The following SORL1 variants were observed in gnomAD, a reference collection of about 807,000 sequenced individuals.
The protein encoded by SORL1 is sortilin-related receptor.
A neutral mutation model predicts 273.7 loss-of-function variants in SORL1; 127 were observed. The observed-to-expected ratio is 0.46, with a 90% CI of 0.40 to 0.54. The LOEUF is 0.54. SORL1 is among the 20% of genes least tolerant of loss of function. The pLI is 0.00. For synonymous variants in SORL1, 1,031 were observed against 1,067.4 expected, an observed-to-expected ratio of 0.97 and a Z score of 0.66; for missense variants, 2,494 against 2,846.1, an observed-to-expected ratio of 0.88 and a Z score of 2.81.
At chr11:121,473,703 C>T (rs1209210728) in intron 2 of SORL1, among the ~76,000 whole-genome samples, 2 of 151,962 alleles carry the variant, frequency 1.3e-5, no homozygotes, top group African/African-American at 2.4e-5. Flanking sequence ...AAGACCAGCC[C>T]GGCCAACATG....
chr11:121,480,286 T>A (rs1389311202), intron 3 of SORL1, among the ~76,000 whole-genome samples: 1 of 152,124 alleles, frequency 6.6e-6, no homozygotes, highest in Non-Finnish European at 1.5e-5. Context: ...ACATGATAAA[T>A]ACATATAATA....
At chr11:121,493,828 C>T (rs1861591421) in intron 5 of SORL1, among the ~76,000 whole-genome samples, 1 of 152,050 alleles carries the variant, frequency 6.6e-6, no homozygotes, top group Non-Finnish European at 1.5e-5. Context: ...GTATTGCTTC[C>T]TTAGTAATAG....
At chr11:121,606,166 A>G (rs574927141) in intron 35 of SORL1, among the ~76,000 whole-genome samples, 1 of 152,126 alleles carries the variant, frequency 6.6e-6, no homozygotes, top group Non-Finnish European at 1.5e-5. Flanking sequence ...CAAGCAATCC[A>G]CCTACTTCAG....
At chr11:121,544,313 C>T (rs1251366211) in intron 13 of SORL1, among the ~76,000 whole-genome samples, 2 of 152,132 alleles carry the variant, frequency 1.3e-5, no homozygotes, top group African/African-American at 2.4e-5. Flanking sequence ...CTCCCCTACT[C>T]GAAATCCTTT....
chr11:121,589,491 C>G (rs1185309313), intron 29 of SORL1, 101 bp downstream of exon 29: 1 of 1,418,108 alleles, frequency 7.1e-7, no homozygotes, highest in South Asian at 1.2e-5. Flanking sequence ...CAGACTTGGC[C>G]TTCCCGTAAC....
chr11:121,548,990 A>G (rs1013236011), intron 14 of SORL1, among the ~76,000 whole-genome samples: 2 of 152,334 alleles, frequency 1.3e-5, no homozygotes, highest in South Asian at 4.1e-4. Context: ...TATAGAATTT[A>G]CAGGTTTGGA....
Position 121,625,200 on chromosome 11 carries a change from C to T in SORL1, c.6287C>T (p.Thr2096Ile), listed in dbSNP as rs142705925. 7.4e-6 allele frequency: 12 copies of T among 1,613,996 alleles called. No homozygotes were observed. The African/African-American group carries it at 1.2e-4, about 16-fold the overall frequency. ...AAGATGGGTCATAATTACACGTTCACCGTCCAAGCAAGATGCCTTTTTGGC... is the reference window on the plus strand; with the variant it reads ...AAGATGGGTCATAATTACACGTTCATCGTCCAAGCAAGATGCCTTTTTGGC... ...NLKMGHNYTF[T>I]VQARCLFGNQ... The change falls in exon 46 of 48, where the codon ACC becomes ATC. Residue 2096 changes from threonine to isoleucine, a missense_variant. Physicochemically the swap from Thr to Ile is moderately conservative, Grantham distance 89. Coordinates refer to ENST00000260197, the MANE Select transcript of SORL1 (RefSeq NM_003105.6).
intron 41 of SORL1, 128 bp downstream of exon 41, chr11:121,615,183 G>T: frequency 1.4e-6 from 1 of 703,554 alleles, no homozygotes; most frequent in South Asian, 2.4e-5. Context: ...TTGGATATAG[G>T]CCTTTCTTTT....
chr11:121,576,993 T>C (rs749283440), intron 24 of SORL1: 7 of 1,451,114 alleles, frequency 4.8e-6, no homozygotes, highest in Non-Finnish European at 6.5e-6. Flanking sequence ...AAATAATATA[T>C]GTGGAGAGCA....
At chr11:121,469,462 CTTAT>C in intron 1 of SORL1, among the ~76,000 whole-genome samples, 1 of 152,278 alleles carries the variant, frequency 6.6e-6, no homozygotes, top group East Asian at 1.9e-4. Flanking sequence ...AAAATATTTC[CTTAT>C]TTGAGACCTT....
chr11:121,552,538 C>G lies in SORL1; in HGVS notation c.2267-1399C>G, dbSNP rs149141585. On this transcript the variant is annotated intron_variant, in intron 16 of 47. Transcript: ENST00000260197. ...AAAAGCCTTGCTGCTGCAAATGTAG[C>G]TTTCATGTCCCTATACCTTAGCTGG... Among the ~76,000 whole-genome samples, 301 of 152,290 alleles carry G rather than the reference C, an allele frequency of 2.0e-3. 2 individuals are homozygous for G. Among genetic ancestry groups the G allele is most frequent in the Non-Finnish European group, 3.7e-3 (251 of 68,028 alleles).
intron 9 of SORL1, 89 bp from the exon 10 acceptor site, chr11:121,522,497 T>C: frequency 1.0e-6 from 1 of 962,974 alleles, no homozygotes; most frequent in Non-Finnish European, 1.7e-6. Context: ...CCGTGTCAGC[T>C]GCACTCCCCT....
rs1591324517 is a variant in SORL1 at position 121,554,501 on chromosome 11, T to C, written c.2439+392T>C. On this transcript the variant is annotated intron_variant, in intron 17 of 47. Transcript: ENST00000260197. This position sits in a 1 kb window ranked among gnomAD's most constrained non-coding sequence, Gnocchi z 4.6. ...CCCATAGCTCACATAATTATCCACT[T>C]CAGCTGTTCTGAACACAGGTAAGAA... Among the ~76,000 whole-genome samples, 1 of 152,194 alleles carries C rather than the reference T, an allele frequency of 6.6e-6. No homozygotes were observed. Among genetic ancestry groups the C allele is most frequent in the East Asian group, 1.9e-4 (1 of 5,204 alleles).
intron 20 of SORL1, 106 bp from the exon 21 acceptor site, chr11:121,559,413 G>A: frequency 8.5e-7 from 1 of 1,174,312 alleles, no homozygotes; most frequent in South Asian, 1.5e-5. Flanking sequence ...TAGTCATTCA[G>A]CCAATAAATG....
At chr11:121,577,124 G>T in intron 24 of SORL1, 157 bp from the exon 25 acceptor site, 1 of 1,139,784 alleles carries the variant, frequency 8.8e-7, no homozygotes, top group South Asian at 1.4e-5. Context: ...GCTGTTAAAT[G>T]ACCTTTTGTC....
intron 8 of SORL1, among the ~76,000 whole-genome samples, chr11:121,518,472 C>T (rs1591309047): frequency 2.6e-5 from 4 of 152,206 alleles, no homozygotes; most frequent in East Asian, 3.9e-4. Context: ...GAATCCGACT[C>T]GGGAAAGAAA....
At chr11:121,478,919 C>T (rs1473775153) in intron 3 of SORL1, among the ~76,000 whole-genome samples, 1 of 150,278 alleles carries the variant, frequency 6.7e-6, no homozygotes, top group African/African-American at 2.5e-5. Context: ...TACCTGTGTG[C>T]ATGCATTGGT....
intron 1 of SORL1, among the ~76,000 whole-genome samples, chr11:121,459,644 ACACTG>A (rs1490638388): frequency 1.3e-5 from 2 of 152,210 alleles, no homozygotes; most frequent in African/African-American, 4.8e-5. Context: ...CCTTGCGCAA[ACACTG>A]CACTTGTATC....
chr11:121,621,301 C>A, intron 44 of SORL1, 63 bp downstream of exon 44: 2 of 1,413,470 alleles, frequency 1.4e-6, no homozygotes, highest in Non-Finnish European at 1.9e-6. Flanking sequence ...TGCCGCTAGA[C>A]CTCCAGAGAC....
Sources: gnomAD v4.1 joint callset for allele counts (sites outside exome capture counted in the v4.1 genomes callset) on GRCh38, gnomAD v4.1.1 for gene constraint, Gnocchi (gnomAD v3.1) non-coding constraint, MANE v1.5 for transcripts, NCBI Gene and HGNC (gene_info 2026-07-23, HGNC 2026-07-21) for gene names.